The following NCK2 variants were observed in gnomAD, a reference collection of about 807,000 sequenced individuals.
The protein encoded by NCK2 is cytoplasmic protein NCK2.
A neutral mutation model predicts 33.9 loss-of-function variants in NCK2; 16 were observed. The observed-to-expected ratio is 0.47, with a 90% CI of 0.32 to 0.72. The LOEUF (loss-of-function observed/expected upper bound fraction) is 0.72, where lower values mean the gene tolerates loss of function less well. Ranked by LOEUF, NCK2 falls within the 30% of genes least tolerant of loss-of-function variation. The probability of loss-of-function intolerance (pLI) is 0.03; values close to 1 mark genes in which losing one functional copy is unlikely to be tolerated. For missense variants in NCK2, 418 were observed against 537.3 expected, an observed-to-expected ratio of 0.78 and a Z score of 2.19; for synonymous variants, 273 against 239.9, an observed-to-expected ratio of 1.14 and a Z score of -1.27.
intron 3 of NCK2, among the ~76,000 whole-genome samples, chr2:105,863,252 T>G (rs1397556688): frequency 6.6e-6 from 1 of 152,186 alleles, no homozygotes; most frequent in Non-Finnish European, 1.5e-5. Context: ...ATCGTGATTA[T>G]AAATATTCTC....
rs541233860 is a variant in NCK2 at position 105,857,350 on chromosome 2, G to A, written c.226+2061G>A. Among the ~76,000 whole-genome samples the A allele has an allele frequency of 1.1e-3, 170 of 152,378 alleles. 2 individuals are homozygous for A. Among genetic ancestry groups the A allele is most frequent in the African/African-American group, 3.8e-3 (160 of 41,594 alleles). ...CGGCACTGGGCCCGCGCCCGTCCCCGACAGATGGCCATCCAGCCCTGCTGG... is the reference window on the plus strand; with the variant it reads ...CGGCACTGGGCCCGCGCCCGTCCCCAACAGATGGCCATCCAGCCCTGCTGG... On this transcript the variant is annotated intron_variant, in intron 3 of 4. Transcript: ENST00000233154.
At chr2:105,862,476 A>C (rs1470566740) in intron 3 of NCK2, among the ~76,000 whole-genome samples, 1 of 152,210 alleles carries the variant, frequency 6.6e-6, no homozygotes, top group East Asian at 1.9e-4. Context: ...CGAGACCCAG[A>C]GGGGACTTCA....
chr2:105,827,238 A>G (rs918759751), intron 2 of NCK2, among the ~76,000 whole-genome samples: 5 of 152,178 alleles, frequency 3.3e-5, no homozygotes, highest in African/African-American at 1.2e-4. Flanking sequence ...TGACCTCGTG[A>G]TCTACCCGCC....
At chr2:105,760,222 C>A (rs1573559798) in intron 1 of NCK2, among the ~76,000 whole-genome samples, 1 of 152,338 alleles carries the variant, frequency 6.6e-6, no homozygotes, top group East Asian at 1.9e-4. Context: ...ATAGAAGGCA[C>A]TGTGGCACAG....
chr2:105,855,505 A>G (rs944379912), intron 3 of NCK2: 4 of 492,040 alleles, frequency 8.1e-6, no homozygotes, highest in Admixed American at 3.4e-5. Flanking sequence ...GGTCCTGTGT[A>G]TGGAGACACT....
chr2:105,807,330 T>C (rs1675086896), intron 1 of NCK2, among the ~76,000 whole-genome samples: 1 of 152,200 alleles, frequency 6.6e-6, no homozygotes, highest in African/African-American at 2.4e-5. Context: ...GCAGGGGAAA[T>C]AAAGGTTTTG....
At chr2:105,861,646 C>A (rs1411025844) in intron 3 of NCK2, among the ~76,000 whole-genome samples, 1 of 151,656 alleles carries the variant, frequency 6.6e-6, no homozygotes, top group Non-Finnish European at 1.5e-5. Flanking sequence ...TCCCTAGTAG[C>A]TGGGACTACA....
At chr2:105,785,592 A>T (rs1207480690) in intron 1 of NCK2, among the ~76,000 whole-genome samples, 2 of 152,200 alleles carry the variant, frequency 1.3e-5, no homozygotes, top group East Asian at 3.9e-4. Flanking sequence ...GAAAGGCCCA[A>T]TCTCCAATAG....
intron 2 of NCK2, among the ~76,000 whole-genome samples, chr2:105,834,912 A>G: frequency 6.6e-6 from 1 of 152,048 alleles, no homozygotes; most frequent in East Asian, 1.9e-4. Context: ...TCCTGGGCTC[A>G]AGCAATCCTC....
chr2:105,845,268 A>G (rs1676813283), intron 2 of NCK2, among the ~76,000 whole-genome samples: 1 of 152,212 alleles, frequency 6.6e-6, no homozygotes, highest in Admixed American at 6.5e-5. Context: ...TCTTGTTTCA[A>G]CCTTGCATGT....
At chr2:105,876,886 G>A (rs1558882518) in intron 3 of NCK2, among the ~76,000 whole-genome samples, 1 of 152,176 alleles carries the variant, frequency 6.6e-6, no homozygotes, top group Non-Finnish European at 1.5e-5. Context: ...GTCGCTTAGA[G>A]CCTGGACCAC....
intron 2 of NCK2, among the ~76,000 whole-genome samples, chr2:105,851,217 T>C (rs966187598): frequency 2.0e-5 from 3 of 151,644 alleles, no homozygotes; most frequent in African/African-American, 7.3e-5. Flanking sequence ...GGTGCCTCCT[T>C]CATTGAGGAT....
intron 1 of NCK2, among the ~76,000 whole-genome samples, chr2:105,779,211 G>A (rs1190529001): frequency 6.7e-6 from 1 of 149,312 alleles, no homozygotes; most frequent in Non-Finnish European, 1.5e-5. Flanking sequence ...GGAGGCTGAG[G>A]CATGAGAATC....
intron 2 of NCK2, among the ~76,000 whole-genome samples, chr2:105,819,731 C>G (rs1451328892): frequency 3.9e-5 from 6 of 152,330 alleles, no homozygotes; most frequent in African/African-American, 1.4e-4. Context: ...TAAAGGATTA[C>G]TTTTATTTCA....
intron 2 of NCK2, among the ~76,000 whole-genome samples, chr2:105,819,712 A>G (rs1675649989): frequency 6.6e-6 from 1 of 152,226 alleles, no homozygotes; most frequent in Non-Finnish European, 1.5e-5. Flanking sequence ...ATATCTACCC[A>G]TGTAATTTTA....
intron 2 of NCK2, among the ~76,000 whole-genome samples, chr2:105,839,097 G>A (rs553803342): frequency 4.6e-5 from 7 of 152,092 alleles, no homozygotes; most frequent in African/African-American, 7.2e-5. Context: ...TTTGAATGGC[G>A]GCTTGAACAA....
chr2:105,877,087 G>T (rs1678264843), intron 3 of NCK2, among the ~76,000 whole-genome samples: 1 of 152,108 alleles, frequency 6.6e-6, no homozygotes, highest in African/African-American at 2.4e-5. Context: ...CCCTAAGCCT[G>T]CCCCCATGTA....
At chr2:105,845,848 C>G (rs983059473) in intron 2 of NCK2, among the ~76,000 whole-genome samples, 2 of 152,164 alleles carry the variant, frequency 1.3e-5, no homozygotes, top group Admixed American at 6.5e-5. Flanking sequence ...AAAGACCTCA[C>G]TTGTGTTTCC....
rs370785605 is a variant in NCK2 at position 105,893,818 on chromosome 2, G to A, written c.*642G>A. On this transcript the variant is annotated 3_prime_UTR_variant, in exon 5 of 5. Transcript: ENST00000233154. ...GATGTTTTGGTAATTTACCCCAAAT[G>A]TGCCATCCACATAGTGCTTTTTCCT... 6.5e-6 allele frequency: 1 copy of A among 152,688 alleles called. No individual in the cohort carries two copies. The highest frequency in any genetic ancestry group is 1.9e-4 in the East Asian group (1 of 5,202). The allele number at this position is 152,688 out of a possible 1,614,324, so 9.5% of individuals were successfully genotyped here.
Sources: allele counts gnomAD v4.1 joint callset (sites outside exome capture counted in the v4.1 genomes callset), GRCh38; gene constraint gnomAD v4.1.1; transcripts MANE v1.5; gene names NCBI Gene and HGNC (gene_info 2026-07-23, HGNC 2026-07-21).